LARP1B: variants seen among roughly 807,000 people sequenced by gnomAD.
LARP1B encodes La ribonucleoprotein 1B.
A neutral mutation model predicts 114.2 loss-of-function variants in LARP1B; 76 were observed. That is an observed-to-expected ratio of 0.67 (90% CI 0.55 to 0.81). LARP1B has a LOEUF of 0.81. LARP1B is among the 30% of genes least tolerant of loss of function. The probability of loss-of-function intolerance (pLI) is 0.00; values close to 1 mark genes in which losing one functional copy is unlikely to be tolerated. For synonymous variants in LARP1B, 345 were observed against 348.0 expected (o/e 0.99, Z 0.10); for missense variants, 1,014 against 1,075.8 (o/e 0.94, Z 0.80).
intron 7 of LARP1B, among the ~76,000 whole-genome samples, chr4:128,221,975 A>C (rs1285940657): frequency 6.6e-6 from 1 of 152,230 alleles, no homozygotes; most frequent in East Asian, 1.9e-4. Flanking sequence ...ATGAGCTATC[A>C]TTAGGGCTAA....
At chr4:128,166,960 C>CTA (rs1741180725) in intron 12 of LARP1B, among the ~76,000 whole-genome samples, 16 of 111,422 alleles carry the variant, frequency 1.4e-4, no homozygotes, top group Admixed American at 2.9e-4. Context: ...CTCTCTCTCT[C>CTA]TCTCTCTCTC....
At chr4:128,173,132 A>T (rs1306725222) in intron 12 of LARP1B, among the ~76,000 whole-genome samples, 1 of 152,012 alleles carries the variant, frequency 6.6e-6, no homozygotes, top group Admixed American at 6.6e-5. Context: ...TTTTGCTAGC[A>T]AAGTGTGAAT....
At chr4:128,158,879 A>G (rs1480819145) in intron 11 of LARP1B, among the ~76,000 whole-genome samples, 6 of 152,196 alleles carry the variant, frequency 3.9e-5, no homozygotes, top group Admixed American at 3.3e-4. Flanking sequence ...TTATGTAACT[A>G]TAGCACAATG....
rs528530317 is a variant in LARP1B at position 128,127,759 on chromosome 4, G to A, written c.1524+5571G>A. Among the ~76,000 whole-genome samples the A allele has an allele frequency of 1.2e-3, 176 of 152,288 alleles. 1 individual carries two copies. Among genetic ancestry groups the A allele is most frequent in the South Asian group, 2.1e-3 (10 of 4,822 alleles). ...GAGGCAGGGGAATTGCTTGAACCCC[G>A]GGAGGTGGAGGTTGCAGTGAGCCGA... On this transcript the variant is annotated intron_variant, in intron 11 of 19. Coordinates refer to ENST00000326639, the MANE Select transcript of LARP1B (RefSeq NM_018078.4).
chr4:128,082,804 C>CT (rs33973592), intron 5 of LARP1B, among the ~76,000 whole-genome samples: 62 of 141,360 alleles, frequency 4.4e-4, no homozygotes, highest in Middle Eastern at 3.5e-3. Flanking sequence ...TCATTTTCTT[C>CT]TTTTTTTTTT....
chr4:128,065,499 ATTTTC>A (rs1245246908), intron 1 of LARP1B, among the ~76,000 whole-genome samples: 1 of 151,466 alleles, frequency 6.6e-6, no homozygotes, highest in Non-Finnish European at 1.5e-5. Flanking sequence ...CAGGCTTTCT[ATTTTC>A]TTAAGCAAAT....
intron 1 of LARP1B, among the ~76,000 whole-genome samples, chr4:128,064,323 A>G (rs1031138820): frequency 6.7e-6 from 1 of 149,996 alleles, no homozygotes. Flanking sequence ...CCATTATGTT[A>G]TGTTAACATT....
At chr4:128,177,007 A>G (rs1012420252) in intron 13 of LARP1B, 100 bp downstream of exon 13, 2 of 1,010,444 alleles carry the variant, frequency 2.0e-6, no homozygotes, top group African/African-American at 1.6e-5. Context: ...GAAAAAGCAT[A>G]TGAAAAGATA....
Position 128,211,322 on chromosome 4 carries a change from A to T in LARP1B, c.*1269A>T. Reference sequence around the variant, plus strand: ...ATTGGCAAAAGCAAGTGGTTTCCATATGCTAAATTAATTGTATTTTCTTTT... The same window carrying T: ...ATTGGCAAAAGCAAGTGGTTTCCATTTGCTAAATTAATTGTATTTTCTTTT... On this transcript the variant is annotated 3_prime_UTR_variant, in exon 20 of 20. Transcript: ENST00000326639. 1.4e-5 allele frequency: 14 copies of T among 969,280 alleles called. No homozygotes were observed. Among genetic ancestry groups the T allele is most frequent in the Non-Finnish European group, 1.7e-5 (14 of 815,306 alleles). The allele number at this position is 969,280 out of a possible 1,614,324, so 60.0% of individuals were successfully genotyped here.
intron 1 of LARP1B, among the ~76,000 whole-genome samples, chr4:128,068,005 C>T (rs892953183): frequency 1.5e-4 from 23 of 151,946 alleles, no homozygotes; most frequent in Non-Finnish European, 2.8e-4. Context: ...CTCAGCCTCC[C>T]GAGTAGCTGG....
rs191284358 is a variant in LARP1B at position 128,197,018 on chromosome 4, A to C, written c.2004-2421A>C. Reference sequence around the variant, plus strand: ...GTCAAATTTATAGACAGAAAGTAGAATAGAGGTTACTAGGGCTGTAGGGAG... The same window carrying C: ...GTCAAATTTATAGACAGAAAGTAGACTAGAGGTTACTAGGGCTGTAGGGAG... On this transcript the variant is annotated intron_variant, in intron 15 of 19. Coordinates refer to ENST00000326639, the MANE Select transcript of LARP1B (RefSeq NM_018078.4). Among the ~76,000 whole-genome samples, 3 of 152,314 alleles carry C rather than the reference A, an allele frequency of 2.0e-5. No individual in the cohort carries two copies. In the East Asian group the frequency reaches 5.8e-4, roughly 29 times the overall value.
intron 9 of LARP1B, chr4:128,108,046 G>C: frequency 6.8e-7 from 1 of 1,471,442 alleles, no homozygotes; most frequent in Non-Finnish European, 8.9e-7. Context: ...CCCACCTCTT[G>C]GTGGAGGAAG....
At chr4:128,099,160 A>G (rs924665302) in intron 8 of LARP1B, among the ~76,000 whole-genome samples, 13 of 142,074 alleles carry the variant, frequency 9.2e-5, no homozygotes, top group Non-Finnish European at 1.4e-4. Context: ...CACTTTGGGG[A>G]AAAAAAAAAT....
chr4:128,193,639 A>AGGG (rs1753008256), intron 15 of LARP1B, among the ~76,000 whole-genome samples: 1 of 151,742 alleles, frequency 6.6e-6, no homozygotes, highest in Non-Finnish European at 1.5e-5. Context: ...TTTTTGAGAC[A>AGGG]GAGTTTCGCT....
chr4:128,131,455 G>C (rs879925669), intron 11 of LARP1B, among the ~76,000 whole-genome samples: 1 of 152,150 alleles, frequency 6.6e-6, no homozygotes, highest in Non-Finnish European at 1.5e-5. Flanking sequence ...TATGCAAAGA[G>C]CTCTTACAAA....
upstream of LARP1B, among the ~76,000 whole-genome samples, chr4:128,060,827 A>C (rs1281982652): frequency 1.3e-5 from 2 of 151,398 alleles, no homozygotes; most frequent in African/African-American, 4.9e-5. Context: ...CCAGCGGGCC[A>C]AGCGGCCGGG....
intron 17 of LARP1B, among the ~76,000 whole-genome samples, chr4:128,201,517 C>T (rs184871151): frequency 2.6e-5 from 4 of 151,972 alleles, no homozygotes; most frequent in South Asian, 2.1e-4. Flanking sequence ...ATTTTTTCCC[C>T]GCTAGTCCTG....
intron 11 of LARP1B, among the ~76,000 whole-genome samples, chr4:128,130,171 AG>A (rs1440208790): frequency 6.6e-6 from 1 of 152,158 alleles, no homozygotes; most frequent in East Asian, 1.9e-4. Flanking sequence ...TGGGCAACAT[AG>A]TGAGACTGTC....
chr4:128,064,108 C>T (rs1761504448), intron 1 of LARP1B, among the ~76,000 whole-genome samples: 1 of 151,780 alleles, frequency 6.6e-6, no homozygotes, highest in African/African-American at 2.4e-5. Context: ...CCCGTCTCTA[C>T]TAAAAATACA....
Sources: gnomAD v4.1 joint callset for allele counts (sites outside exome capture counted in the v4.1 genomes callset) on GRCh38, gnomAD v4.1.1 for gene constraint, MANE v1.5 for transcripts, NCBI Gene and HGNC (gene_info 2026-07-23, HGNC 2026-07-21) for gene names.